The following TSPEAR variants were observed in gnomAD, a reference collection of about 807,000 sequenced individuals.
TSPEAR encodes thrombospondin-type laminin G domain and EAR repeat-containing protein.
TSPEAR carries 69 observed loss-of-function variants against 71.6 expected under a neutral mutation model. The ratio of observed to expected loss-of-function variants is 0.96; its 90% CI spans 0.79 to 1.18. The LOEUF (loss-of-function observed/expected upper bound fraction) is 1.18. Ranked by LOEUF, TSPEAR falls within the 50% of genes most tolerant of loss-of-function variation. The pLI is 0.00. For missense variants in TSPEAR, 971 were observed against 894.9 expected, an observed-to-expected ratio of 1.09 and a Z score of -1.09; for synonymous variants, 402 against 387.2, an observed-to-expected ratio of 1.04 and a Z score of -0.45.
In TSPEAR at chr21:44,592,149, G is replaced by A. The variant is rs781869282; in HGVS notation, c.83-24144C>T. ...TGCAGCAGACAGTCTTGCAGCAGAC[G>A]GGCACGCAGCAGGCCTGCTGGCAGG... On this transcript the variant is annotated intron_variant, in intron 1 of 11. Transcript: ENST00000323084. The A allele has an allele frequency of 3.1e-5, 49 of 1,566,122 alleles. No individual in the cohort carries two copies. In the Admixed American group the frequency reaches 5.0e-4, roughly 16 times the overall value.
chr21:44,657,803 G>C (rs1330035879), intron 1 of TSPEAR: 2 of 635,468 alleles, frequency 3.1e-6, no homozygotes, highest in African/African-American at 3.7e-5. Flanking sequence ...CATGACGCGG[G>C]AAAGTACACG....
intron 1 of TSPEAR, among the ~76,000 whole-genome samples, chr21:44,664,273 T>A (rs1372141937): frequency 1.3e-5 from 2 of 152,118 alleles, no homozygotes; most frequent in African/African-American, 4.8e-5. Context: ...CAAAAATCGA[T>A]TTTATTTTAA....
chr21:44,619,822 T>C (rs1213839036), intron 1 of TSPEAR, among the ~76,000 whole-genome samples: 1 of 152,148 alleles, frequency 6.6e-6, no homozygotes, highest in Non-Finnish European at 1.5e-5. Context: ...GAGGAGTAGA[T>C]GAGAAAATGA....
chr21:44,648,843 T>C (rs1984596702), intron 1 of TSPEAR, among the ~76,000 whole-genome samples: 1 of 152,224 alleles, frequency 6.6e-6, no homozygotes. Flanking sequence ...CTGGTGGCCG[T>C]GTGTCCATGC....
In TSPEAR at chr21:44,506,348, A is replaced by G. The variant is rs1446335034; in HGVS notation, c.1755-1467T>C. Among the ~76,000 whole-genome samples the G allele has an allele frequency of 6.6e-6, 1 of 152,238 alleles. No individual in the cohort carries two copies. Among genetic ancestry groups the G allele is most frequent in the African/African-American group, 2.4e-5 (1 of 41,462 alleles). ...ATGGAGGTCGAAGCCATGCACACGC[A>G]GGCGTCCTGCTGACATGCAGGCCAG... On this transcript the variant is annotated intron_variant, in intron 10 of 11. Coordinates refer to ENST00000323084, the MANE Select transcript of TSPEAR (RefSeq NM_144991.3). This position sits in a 1 kb window ranked among gnomAD's most constrained non-coding sequence, Gnocchi z 4.2.
At chr21:44,557,073 A>C (rs1397862049) in intron 2 of TSPEAR, among the ~76,000 whole-genome samples, 2 of 152,196 alleles carry the variant, frequency 1.3e-5, no homozygotes, top group Non-Finnish European at 2.9e-5. Flanking sequence ...ATAATTATGA[A>C]ACAGCAGTGG....
At chr21:44,628,444 T>TG (rs1349505551) in intron 1 of TSPEAR, among the ~76,000 whole-genome samples, 3 of 151,648 alleles carry the variant, frequency 2.0e-5, no homozygotes, top group Non-Finnish European at 4.4e-5. Context: ...GGCCTGGCTC[T>TG]GGGGGGCTGG....
chr21:44,616,117 C>T (rs1171761705), intron 1 of TSPEAR, among the ~76,000 whole-genome samples: 2 of 152,302 alleles, frequency 1.3e-5, no homozygotes, highest in South Asian at 2.1e-4. Flanking sequence ...CACCTCCCAG[C>T]GGGGCTTCCT....
chr21:44,699,786 G>A (rs549047739), intron 1 of TSPEAR, among the ~76,000 whole-genome samples: 3 of 152,228 alleles, frequency 2.0e-5, no homozygotes, highest in African/African-American at 7.2e-5. Flanking sequence ...CCACGCTTAC[G>A]GCGGCCTCCA....
At chr21:44,529,671 C>A (rs1043428136) in intron 5 of TSPEAR, 127 bp downstream of exon 5, 19 of 1,084,526 alleles carry the variant, frequency 1.8e-5, no homozygotes, top group East Asian at 2.4e-5. Context: ...CGCTGCCCCC[C>A]GTAGCAGTGA....
chr21:44,676,063 G>C (rs1555946843), intron 1 of TSPEAR: 24 of 868,822 alleles, frequency 2.8e-5, no homozygotes, highest in Non-Finnish European at 3.4e-5. Flanking sequence ...TGCAATAGGA[G>C]GCATATGACA....
intron 10 of TSPEAR, chr21:44,508,300 G>C (rs587615869): frequency 5.5e-6 from 1 of 181,676 alleles, no homozygotes; most frequent in Admixed American, 6.4e-5. Context: ...TCCCCTCGAA[G>C]GGTCTAAAGG....
chr21:44,696,171 G>A (rs1425343981), intron 1 of TSPEAR, among the ~76,000 whole-genome samples: 1 of 152,066 alleles, frequency 6.6e-6, no homozygotes, highest in Admixed American at 6.5e-5. Context: ...TAGATGGAAG[G>A]AGCTCCTTTT....
At chr21:44,666,330 C>T (rs1247674989) in intron 1 of TSPEAR, 30 of 1,220,716 alleles carry the variant, frequency 2.5e-5, no homozygotes, top group South Asian at 1.5e-5. Context: ...TCAGAGGGTT[C>T]AACTGAGCAT....
At chr21:44,681,628 T>C in intron 1 of TSPEAR, 1 of 600,896 alleles carries the variant, frequency 1.7e-6, no homozygotes, top group Non-Finnish European at 2.8e-6. Flanking sequence ...AGAATGACTC[T>C]GGGACCCCAG....
chr21:44,668,902 A>G (rs112226392), intron 1 of TSPEAR, among the ~76,000 whole-genome samples: 29 of 152,370 alleles, frequency 1.9e-4, no homozygotes, highest in African/African-American at 6.5e-4. Flanking sequence ...TCAAAGATAG[A>G]GAATCTCAGT....
intron 3 of TSPEAR, among the ~76,000 whole-genome samples, chr21:44,532,644 T>C (rs2052996338): frequency 1.3e-5 from 2 of 152,250 alleles, no homozygotes. Context: ...TAATATTTAA[T>C]AGATTTAATA....
In TSPEAR at chr21:44,508,641, C is replaced by T. The variant is rs1040536960; in HGVS notation, c.1754+558G>A. 1.9e-5 allele frequency: 22 copies of T among 1,186,808 alleles called. No homozygotes were observed. In the African/African-American group the frequency reaches 2.1e-4, roughly 11 times the overall value. The allele number at this position is 1,186,808 out of a possible 1,614,324, so 73.5% of individuals were successfully genotyped here. A position where few individuals can be genotyped will look rare whatever the true frequency, so the allele number is the denominator to read the frequency against. Reference sequence around the variant, plus strand: ...GCCCACGCAACCTCCTGTGGCTCCACGGAGCGTGTCGGTCTGGAACCATCA... The same window carrying T: ...GCCCACGCAACCTCCTGTGGCTCCATGGAGCGTGTCGGTCTGGAACCATCA... On this transcript the variant is annotated intron_variant, in intron 10 of 11. Coordinates refer to ENST00000323084, the MANE Select transcript of TSPEAR (RefSeq NM_144991.3).
intron 2 of TSPEAR, chr21:44,558,189 G>A (rs1555920226): frequency 3.2e-6 from 5 of 1,551,292 alleles, no homozygotes; most frequent in South Asian, 1.2e-5. Context: ...GGCACAGCAG[G>A]AGGGGATGGG....
Sources: gnomAD v4.1 joint callset for allele counts (sites outside exome capture counted in the v4.1 genomes callset) on GRCh38, gnomAD v4.1.1 for gene constraint, Gnocchi (gnomAD v3.1) non-coding constraint, MANE v1.5 for transcripts, NCBI Gene and HGNC (gene_info 2026-07-23, HGNC 2026-07-21) for gene names.